Variants in ETF1 observed in about 807,000 individuals in gnomAD.
The protein encoded by ETF1 is eukaryotic peptide chain release factor subunit 1.
In ETF1, 4 loss-of-function variants were observed where a neutral mutation model predicts 55.1. The ratio of observed to expected loss-of-function variants is 0.07; its 90% CI spans 0.04 to 0.17. The LOEUF (loss-of-function observed/expected upper bound fraction) is 0.17. Ranked by LOEUF, ETF1 falls within the 10% of genes least tolerant of loss-of-function variation. ETF1 has a pLI of 1.00. For synonymous variants in ETF1, 157 were observed against 182.3 expected, an observed-to-expected ratio of 0.86 and a Z score of 1.12; for missense variants, 142 against 523.6, an observed-to-expected ratio of 0.27 and a Z score of 7.11.
intron 5 of ETF1, 150 bp downstream of exon 5, chr5:138,513,418 C>A (rs547635554): frequency 2.6e-6 from 2 of 771,254 alleles, no homozygotes; most frequent in East Asian, 2.6e-5. Flanking sequence ...CAGGGCCGGG[C>A]TGGTCTCGAA....
chr5:138,529,187 A>C (rs922994466), intron 2 of ETF1, among the ~76,000 whole-genome samples: 1 of 152,118 alleles, frequency 6.6e-6, no homozygotes, highest in Non-Finnish European at 1.5e-5. Flanking sequence ...AACAAAAAAA[A>C]CAAGCAGATT....
chr5:138,534,784 A>G (rs1210254771), intron 2 of ETF1, among the ~76,000 whole-genome samples: 6 of 152,232 alleles, frequency 3.9e-5, no homozygotes, highest in Non-Finnish European at 8.8e-5. Flanking sequence ...CAGAAAAGTG[A>G]GTACAGAATC....
intron 4 of ETF1, 62 bp from the exon 5 acceptor site, chr5:138,513,768 T>A (rs1764906782): frequency 1.9e-6 from 3 of 1,549,344 alleles, no homozygotes; most frequent in Non-Finnish European, 2.6e-6. Flanking sequence ...TCAAAAAAAC[T>A]CTGAAAGGAT....
intron 2 of ETF1, among the ~76,000 whole-genome samples, chr5:138,520,794 G>A (rs1765202535): frequency 6.6e-6 from 1 of 152,142 alleles, no homozygotes; most frequent in Non-Finnish European, 1.5e-5. Flanking sequence ...ACTCCAGCCT[G>A]GGCAACAGTA....
intron 2 of ETF1, among the ~76,000 whole-genome samples, chr5:138,534,401 A>ACC (rs1765829425): frequency 6.6e-6 from 1 of 152,226 alleles, no homozygotes; most frequent in Non-Finnish European, 1.5e-5. Context: ...TGTTCTTACA[A>ACC]CAGTGCAAAG....
At chr5:138,515,598 C>A (rs529139935) in intron 4 of ETF1, among the ~76,000 whole-genome samples, 12 of 152,242 alleles carry the variant, frequency 7.9e-5, no homozygotes, top group Admixed American at 3.3e-4. Context: ...CAGGATATAA[C>A]CCTCTCAGTT....
intron 2 of ETF1, among the ~76,000 whole-genome samples, chr5:138,531,532 C>T (rs1765699637): frequency 6.6e-6 from 1 of 152,226 alleles, no homozygotes; most frequent in Non-Finnish European, 1.5e-5. Flanking sequence ...CCATCCAAGT[C>T]ATCACTTGTA....
rs559524415 is a variant in ETF1, at chr5:138,539,145, A to G, written c.86+3688T>C. On this transcript the variant is annotated intron_variant, in intron 2 of 10. Transcript: ENST00000360541. The stretch of plus-strand genomic sequence containing the variant: ...AAACACATAAGGTTTCCTAGTGAAG[A>G]TAAGTGAAGACATTTTAACACCCAC... Among the ~76,000 whole-genome samples the G allele has an allele frequency of 3.0e-4, 46 of 152,360 alleles. No homozygotes were observed. The South Asian group carries it at 5.0e-3, about 16-fold the overall frequency.
At chr5:138,534,660 A>G (rs1765839953) in intron 2 of ETF1, among the ~76,000 whole-genome samples, 1 of 152,198 alleles carries the variant, frequency 6.6e-6, no homozygotes, top group African/African-American at 2.4e-5. Flanking sequence ...ACAAATCTCC[A>G]TGGACAAGAG....
intron 9 of ETF1, among the ~76,000 whole-genome samples, chr5:138,509,508 T>G (rs1190505259): frequency 1.3e-5 from 2 of 152,112 alleles, no homozygotes; most frequent in African/African-American, 4.8e-5. Flanking sequence ...ACGTCTGTAA[T>G]CTCACCACTC....
intron 8 of ETF1, 101 bp downstream of exon 8, chr5:138,510,944 T>C (rs1764750391): frequency 6.5e-7 from 1 of 1,532,898 alleles, no homozygotes; most frequent in African/African-American, 1.4e-5. Context: ...TGGGTAGATC[T>C]ACCTTCTGAT....
chr5:138,523,847 T>C (rs1173622035), intron 2 of ETF1, among the ~76,000 whole-genome samples: 1 of 152,024 alleles, frequency 6.6e-6, no homozygotes, highest in Non-Finnish European at 1.5e-5. Context: ...GCAGAACTGC[T>C]TGCGCCTAGG....
chr5:138,541,765 TGG>T (rs35332557), intron 2 of ETF1: 2,878 of 159,344 alleles, frequency 0.018, 134 homozygotes, highest in African/African-American at 0.058. Flanking sequence ...CACTTTTTTT[TGG>T]GGGGGGGGGC....
chr5:138,512,225 AATATATATATAT>A (rs71867448), intron 6 of ETF1, among the ~76,000 whole-genome samples: 1 of 44,126 alleles, frequency 2.3e-5, no homozygotes, highest in African/African-American at 1.3e-4. Flanking sequence ...AAAAAAAAAA[AATATATATATAT>A]ATATATATAT....
At chr5:138,530,155 TA>T (rs1482280101) in intron 2 of ETF1, among the ~76,000 whole-genome samples, 1 of 151,758 alleles carries the variant, frequency 6.6e-6, no homozygotes, top group Non-Finnish European at 1.5e-5. Flanking sequence ...AGAAGCAAAA[TA>T]AAAGAATACA....
At chr5:138,512,680 ATG>A (rs1463492554) in intron 6 of ETF1, 82 bp downstream of exon 6, 1 of 1,242,230 alleles carries the variant, frequency 8.1e-7, no homozygotes, top group African/African-American at 1.6e-5. Flanking sequence ...TTTTAAAAAG[ATG>A]TGTCTGTTCC....
At chr5:138,522,863 G>A (rs191155808) in intron 2 of ETF1, among the ~76,000 whole-genome samples, 5 of 152,090 alleles carry the variant, frequency 3.3e-5, no homozygotes, top group Middle Eastern at 3.4e-3. Flanking sequence ...AAAATTAGCC[G>A]GGCGCAGTGG....
intron 2 of ETF1, chr5:138,541,612 A>C: frequency 6.5e-7 from 1 of 1,529,710 alleles, no homozygotes; most frequent in Non-Finnish European, 8.7e-7. Flanking sequence ...TAAAATTGCA[A>C]ATCTACCCAT....
rs1176995196 is a variant in ETF1 at position 138,524,580 on chromosome 5, TTTTTG to T, written c.87-5718_87-5714del. On this transcript the variant is annotated intron_variant, in intron 2 of 10. Coordinates refer to ENST00000360541, the MANE Select transcript of ETF1 (RefSeq NM_004730.4). ...AAAAAAAAAAAAAATTTCTTTCCGT[TTTTTG>T]TTTTTTTTTTTGAGACAGAGTCTTG... Among the ~76,000 whole-genome samples, 70 of 146,254 alleles carry T rather than the reference TTTTTG, an allele frequency of 4.8e-4. 3 individuals are homozygous for T. The South Asian group carries it at 7.4e-3, about 16-fold the overall frequency.
Sources: gnomAD v4.1 joint callset for allele counts (sites outside exome capture counted in the v4.1 genomes callset) on GRCh38, gnomAD v4.1.1 for gene constraint, MANE v1.5 for transcripts, NCBI Gene and HGNC (gene_info 2026-07-23, HGNC 2026-07-21) for gene names.